Variants in ST3GAL3 observed in about 807,000 individuals in gnomAD.
The protein encoded by ST3GAL3 is CMP-N-acetylneuraminate-beta-1,4-galactoside alpha-2,3-sialyltransferase.
In ST3GAL3, 21 loss-of-function variants were observed where a neutral mutation model predicts 50.1. The observed-to-expected ratio is 0.42, with a 90% CI of 0.30 to 0.60. ST3GAL3 has a LOEUF of 0.60. ST3GAL3 is among the 20% of genes least tolerant of loss of function. The pLI is 0.19. For synonymous variants in ST3GAL3, 183 were observed against 190.0 expected (o/e 0.96, Z 0.30); for missense variants, 353 against 489.4 (o/e 0.72, Z 2.63).
chr1:43,771,820 T>C (rs955391065), intron 2 of ST3GAL3: 16 of 397,590 alleles, frequency 4.0e-5, no homozygotes, highest in Middle Eastern at 6.2e-4. Context: ...GTGATGCTTA[T>C]AGTGTTAATT....
chr1:43,806,971 G>A (rs149736546), intron 3 of ST3GAL3, among the ~76,000 whole-genome samples: 11 of 152,206 alleles, frequency 7.2e-5, no homozygotes, highest in Non-Finnish European at 1.2e-4. Flanking sequence ...GATTACAGGC[G>A]TCAGCCACTG....
At chr1:43,789,956 G>T (rs2057840797) in intron 2 of ST3GAL3, among the ~76,000 whole-genome samples, 2 of 151,828 alleles carry the variant, frequency 1.3e-5, no homozygotes, top group African/African-American at 4.8e-5. Context: ...GTTCAGCCAA[G>T]TGTCCTGATT....
At chr1:43,764,777 A>G (rs1250691870) in intron 2 of ST3GAL3, among the ~76,000 whole-genome samples, 1 of 152,224 alleles carries the variant, frequency 6.6e-6, no homozygotes, top group African/African-American at 2.4e-5. Flanking sequence ...GCCGTGGGCC[A>G]GGCAGCGCTC....
At chr1:43,794,201 C>A (rs138419516) in intron 3 of ST3GAL3, among the ~76,000 whole-genome samples, 4 of 151,508 alleles carry the variant, frequency 2.6e-5, no homozygotes, top group African/African-American at 9.7e-5. Context: ...GAACAAAGAA[C>A]GACAGAAGTC....
At chr1:43,850,994 G>T (rs867905812) in intron 5 of ST3GAL3, 5 of 877,682 alleles carry the variant, frequency 5.7e-6, no homozygotes, top group Middle Eastern at 2.2e-4. Context: ...GAGTGGTGGT[G>T]GCAGTGTTCA....
At chr1:43,812,072 T>A (rs960064452) in intron 3 of ST3GAL3, among the ~76,000 whole-genome samples, 1 of 152,220 alleles carries the variant, frequency 6.6e-6, no homozygotes, top group African/African-American at 2.4e-5. Context: ...GACTTGAGAC[T>A]GCTGTGACCA....
At chr1:43,884,397 G>A (rs1347581261) in intron 5 of ST3GAL3, among the ~76,000 whole-genome samples, 4 of 152,190 alleles carry the variant, frequency 2.6e-5, no homozygotes, top group Non-Finnish European at 4.4e-5. Context: ...CAAGGGGAAC[G>A]CAGCAAGACA....
At position 43,765,791 on chromosome 1, in the gene ST3GAL3, GCGCGCGCGCGTCCGCGCGTC is replaced by G. The variant is rs1558203479; in HGVS notation, c.119-26306_119-26287del. Among the ~76,000 whole-genome samples, 28 of 147,366 alleles carry G rather than the reference GCGCGCGCGCGTCCGCGCGTC, an allele frequency of 1.9e-4. 1 individual carries two copies. The highest frequency in any genetic ancestry group is 7.2e-4 in the African/African-American group (27 of 37,368). On this transcript the variant is annotated intron_variant, in intron 2 of 11. Transcript: ENST00000347631. ...TGTGTGTGTGTGTGTGTGTGCGCGC[GCGCGCGCGCGTCCGCGCGTC>G]CGCGTGCGCTTTTTTTTTAGTGGTA...
At chr1:43,907,169 G>GC (rs1343750447) in intron 9 of ST3GAL3, among the ~76,000 whole-genome samples, 1 of 152,204 alleles carries the variant, frequency 6.6e-6, no homozygotes, top group Non-Finnish European at 1.5e-5. Flanking sequence ...AAGCAGTAGA[G>GC]CCGCATTTTG....
chr1:43,867,338 T>A (rs1470154978), intron 5 of ST3GAL3, among the ~76,000 whole-genome samples: 7 of 152,150 alleles, frequency 4.6e-5, no homozygotes. Flanking sequence ...TTGGTTGAGG[T>A]AGAGAACCCA....
chr1:43,831,021 T>C (rs1394165797), intron 4 of ST3GAL3, among the ~76,000 whole-genome samples: 2 of 152,224 alleles, frequency 1.3e-5, no homozygotes, highest in African/African-American at 2.4e-5. Flanking sequence ...CCCACATTGC[T>C]GTAGGTATTC....
intron 1 of ST3GAL3, among the ~76,000 whole-genome samples, chr1:43,728,177 A>G (rs1168793673): frequency 6.6e-6 from 1 of 152,174 alleles, no homozygotes; most frequent in Non-Finnish European, 1.5e-5. Flanking sequence ...TCCAGCAGCA[A>G]CCATGTTGCT....
At chr1:43,816,612 T>A (rs1318857315) in intron 4 of ST3GAL3, among the ~76,000 whole-genome samples, 3 of 152,188 alleles carry the variant, frequency 2.0e-5, no homozygotes, top group African/African-American at 7.2e-5. Flanking sequence ...AAAGGCATGT[T>A]CTCTAGGACA....
chr1:43,915,406 C>G (rs1051329764), intron 9 of ST3GAL3, among the ~76,000 whole-genome samples: 1 of 152,208 alleles, frequency 6.6e-6, no homozygotes, highest in Non-Finnish European at 1.5e-5. Flanking sequence ...AAGCTAAATA[C>G]GCGTGATGTC....
intron 2 of ST3GAL3, among the ~76,000 whole-genome samples, chr1:43,766,636 G>A (rs1693130172): frequency 6.6e-6 from 1 of 152,120 alleles, no homozygotes; most frequent in Non-Finnish European, 1.5e-5. Flanking sequence ...TTGCAGAGCA[G>A]GGCAGAGTCG....
intron 3 of ST3GAL3, among the ~76,000 whole-genome samples, chr1:43,797,270 A>G (rs2058784662): frequency 1.3e-5 from 2 of 152,346 alleles, no homozygotes; most frequent in East Asian, 3.9e-4. Flanking sequence ...GGAAGAAAAT[A>G]TAAAGAAGAA....
At chr1:43,758,173 C>CCA (rs1491555216) in intron 2 of ST3GAL3, among the ~76,000 whole-genome samples, 4 of 140,012 alleles carry the variant, frequency 2.9e-5, no homozygotes, top group African/African-American at 1.0e-4. Flanking sequence ...CCCCCCCCCC[C>CCA]AAAAAAAAGG....
At chr1:43,791,350 T>G (rs2058053764) in intron 2 of ST3GAL3, among the ~76,000 whole-genome samples, 1 of 152,272 alleles carries the variant, frequency 6.6e-6, no homozygotes, top group South Asian at 2.1e-4. Context: ...TTCTGTTTGC[T>G]GCTGTATCTC....
chr1:43,807,093 A>C (rs541875303), intron 3 of ST3GAL3, among the ~76,000 whole-genome samples: 4 of 152,292 alleles, frequency 2.6e-5, no homozygotes, highest in African/African-American at 9.6e-5. Context: ...GGAACATTGA[A>C]TATGGCAGGG....
Sources: gnomAD v4.1 joint callset for allele counts (sites outside exome capture counted in the v4.1 genomes callset) on GRCh38, gnomAD v4.1.1 for gene constraint, MANE v1.5 for transcripts, NCBI Gene and HGNC (gene_info 2026-07-23, HGNC 2026-07-21) for gene names.